GALK2: variants seen among roughly 807,000 people sequenced by gnomAD.
GALK2 encodes the protein galactokinase 2.
GALK2 carries 36 observed loss-of-function variants against 52.4 expected under a neutral mutation model. The observed-to-expected ratio is 0.69, with a 90% CI of 0.53 to 0.91. The LOEUF is 0.91. GALK2 is among the 40% of genes least tolerant of loss of function. The pLI is 0.00. For synonymous variants in GALK2, 176 were observed against 199.1 expected (o/e 0.88, Z 0.98); for missense variants, 579 against 559.1 (o/e 1.04, Z -0.36).
chr15:49,239,874 G>A (rs963186004), intron 5 of GALK2, among the ~76,000 whole-genome samples: 1 of 152,188 alleles, frequency 6.6e-6, no homozygotes, highest in Non-Finnish European at 1.5e-5. Flanking sequence ...AGGTCAGAAA[G>A]CCTCAAGTTT....
At chr15:49,181,815 A>T (rs1485666504) in intron 1 of GALK2, among the ~76,000 whole-genome samples, 1 of 151,982 alleles carries the variant, frequency 6.6e-6, no homozygotes, top group African/African-American at 2.4e-5. Flanking sequence ...CATTTGCTTT[A>T]TCATTCTCTA....
At chr15:49,218,760 G>A (rs57560518) in intron 3 of GALK2, among the ~76,000 whole-genome samples, 37,725 of 152,064 alleles carry the variant, frequency 0.25, 4,976 homozygotes, top group African/African-American at 0.31. Flanking sequence ...ATTTATGTAC[G>A]AATATATGTG....
At chr15:49,241,391 C>T (rs560348866) in intron 5 of GALK2, among the ~76,000 whole-genome samples, 94 of 152,200 alleles carry the variant, frequency 6.2e-4, no homozygotes, top group African/African-American at 2.2e-3. Flanking sequence ...AAGGGATGTC[C>T]ACTGAAGGGA....
In GALK2 at chr15:49,292,515, C is replaced by G; in HGVS notation, c.945C>G (p.Ile315Met). 1 of 1,613,890 alleles carries G rather than the reference C, an allele frequency of 6.2e-7. No homozygotes were observed. Among genetic ancestry groups the G allele is most frequent in the Non-Finnish European group, 8.5e-7 (1 of 1,179,896 alleles). ...GCCTGGAGGAACTCCGAACCCAAATCCTGAGTCCAAACACTCAAGATGGTG... is the reference window on the plus strand; with the variant it reads ...GCCTGGAGGAACTCCGAACCCAAATGCTGAGTCCAAACACTCAAGATGGTG... ...GISLEELRTQ[I>M]LSPNTQDVLI... The change falls in exon 8 of 10, where the codon ATC becomes ATG. Residue 315 changes from isoleucine (I) to methionine (M), a missense_variant. Coordinates refer to ENST00000560031, the MANE Select transcript of GALK2 (RefSeq NM_002044.4).
Position 49,300,491 on chromosome 15 carries a change from G to A in GALK2, c.967+7954G>A, listed in dbSNP as rs896894871. ...GATCTTGTCATTGCTTTGTTAGCTGGTTGTTTTGTAGCATTGATTATATAA... is the reference window on the plus strand; with the variant it reads ...GATCTTGTCATTGCTTTGTTAGCTGATTGTTTTGTAGCATTGATTATATAA... On this transcript the variant is annotated intron_variant, in intron 8 of 9. Transcript: ENST00000560031. 3.3e-5 allele frequency among the ~76,000 whole-genome samples: 5 copies of A among 152,116 alleles called. No homozygotes were observed. In the South Asian group the frequency reaches 8.3e-4, roughly 25 times the overall value.
chr15:49,323,286 TGCTTTGTTTA>T (rs2037053517), intron 9 of GALK2, among the ~76,000 whole-genome samples: 1 of 152,156 alleles, frequency 6.6e-6, no homozygotes, highest in Admixed American at 6.5e-5. Context: ...AGCAAAGTAT[TGCTTTGTTTA>T]AAAACCACCA....
intron 2 of GALK2, among the ~76,000 whole-genome samples, chr15:49,202,854 C>CTA (rs1388287243): frequency 6.6e-6 from 1 of 152,142 alleles, no homozygotes; most frequent in African/African-American, 2.4e-5. Context: ...TGCATTCTCT[C>CTA]TAACACTTAT....
chr15:49,244,563 A>G (rs1411174280), intron 5 of GALK2, among the ~76,000 whole-genome samples: 1 of 152,232 alleles, frequency 6.6e-6, no homozygotes, highest in African/African-American at 2.4e-5. Context: ...AAATGAATTA[A>G]TCAAATGTGA....
intron 8 of GALK2, among the ~76,000 whole-genome samples, chr15:49,299,767 C>CT (rs1411691001): frequency 2.0e-4 from 24 of 119,290 alleles, no homozygotes; most frequent in African/African-American, 4.0e-4. Flanking sequence ...TTCTTTCTTT[C>CT]TTTCTTTCTT....
intron 8 of GALK2, among the ~76,000 whole-genome samples, chr15:49,312,301 A>G (rs2036059673): frequency 6.6e-6 from 1 of 152,230 alleles, no homozygotes; most frequent in Admixed American, 6.5e-5. Context: ...GTATGGGTAG[A>G]ACAAAGCAGG....
At position 49,346,043 on chromosome 15, in the gene GALK2, C is replaced by A. The variant is rs1329066646; in HGVS notation, c.427-21448C>A. Among the ~76,000 whole-genome samples the A allele has an allele frequency of 2.3e-5, 3 of 133,186 alleles. No individual in the cohort carries two copies. In the East Asian group the frequency reaches 6.2e-4, roughly 27 times the overall value. 87.4% of individuals were successfully genotyped at this position (133,186 alleles called of 152,430 possible). A position where few individuals can be genotyped will look rare whatever the true frequency, so the allele number is the denominator to read the frequency against. On this transcript the variant is annotated intron_variant, in intron 3 of 3. Coordinates refer to the GALK2 transcript ENST00000558399. ...TGCCCTGCTTGCTTTTGGTCACTTG[C>A]TTTTGTTATTTTTTTTTTTTTTCCT...
chr15:49,350,765 G>A (rs1277666962), intron 3 of GALK2, among the ~76,000 whole-genome samples: 1 of 152,120 alleles, frequency 6.6e-6, no homozygotes, highest in East Asian at 1.9e-4. Context: ...TTGCTCCAAG[G>A]TGAATATGAC....
At chr15:49,361,194 ATTAAAAAATTAATTTAAAAAAC>A (rs2044168400) in intron 3 of GALK2, among the ~76,000 whole-genome samples, 1 of 152,192 alleles carries the variant, frequency 6.6e-6, no homozygotes, top group African/African-American at 2.4e-5. Context: ...TAATTTGTCA[ATTAAAAAATTAATTTAAAAAAC>A]TTAAAAAATA....
intron 5 of GALK2, among the ~76,000 whole-genome samples, chr15:49,253,819 C>T (rs2091706788): frequency 7.0e-6 from 1 of 143,308 alleles, no homozygotes; most frequent in Non-Finnish European, 1.6e-5. Flanking sequence ...CCCATTTCAT[C>T]TTTGGACCTT....
chr15:49,335,966 G>A (rs1427996466), downstream of GALK2, among the ~76,000 whole-genome samples: 1 of 152,026 alleles, frequency 6.6e-6, no homozygotes, highest in Non-Finnish European at 1.5e-5. Context: ...GAATCCTCCT[G>A]CCTCAGCTTC....
intron 2 of GALK2, among the ~76,000 whole-genome samples, chr15:49,201,515 T>C (rs1054207493): frequency 3.2e-4 from 49 of 152,230 alleles, no homozygotes; most frequent in African/African-American, 1.1e-3. Context: ...ATGAAAATAT[T>C]TTTCTAGGCC....
chr15:49,346,991 A>G (rs528769405), intron 3 of GALK2, among the ~76,000 whole-genome samples: 28 of 152,352 alleles, frequency 1.8e-4, no homozygotes, highest in South Asian at 1.2e-3. Context: ...TTAAAAGGTT[A>G]TAAGCACATG....
At chr15:49,195,391 T>C (rs1413293498) in intron 1 of GALK2, among the ~76,000 whole-genome samples, 1 of 152,204 alleles carries the variant, frequency 6.6e-6, no homozygotes, top group South Asian at 2.1e-4. Flanking sequence ...AGTCTATTTG[T>C]CTTTCAAGAA....
intron 5 of GALK2, 39 bp from the exon 6 acceptor site, chr15:49,281,948 A>G: frequency 7.0e-7 from 1 of 1,426,532 alleles, no homozygotes; most frequent in Non-Finnish European, 9.9e-7. Flanking sequence ...GAAATGGGTT[A>G]TGACTACTCA....
Sources: allele counts gnomAD v4.1 joint callset (sites outside exome capture counted in the v4.1 genomes callset), GRCh38; gene constraint gnomAD v4.1.1; transcripts MANE v1.5; gene names NCBI Gene and HGNC (gene_info 2026-07-23, HGNC 2026-07-21).